Variants in SSH1 observed in about 807,000 individuals in gnomAD.
SSH1 encodes protein phosphatase Slingshot homolog 1.
In SSH1, 43 loss-of-function variants were observed where a neutral mutation model predicts 79.7. That is an observed-to-expected ratio of 0.54 (90% CI 0.42 to 0.70). The LOEUF (loss-of-function observed/expected upper bound fraction) is 0.70, where lower values mean the gene tolerates loss of function less well. Ranked by LOEUF, SSH1 falls within the 30% of genes least tolerant of loss-of-function variation. SSH1 has a pLI of 0.00. For synonymous variants in SSH1, 599 were observed against 538.3 expected, an observed-to-expected ratio of 1.11 and a Z score of -1.56; for missense variants, 1,206 against 1,358.8, an observed-to-expected ratio of 0.89 and a Z score of 1.77.
At chr12:108,846,625 A>G (rs961654146) in intron 2 of SSH1, among the ~76,000 whole-genome samples, 1 of 152,222 alleles carries the variant, frequency 6.6e-6, no homozygotes, top group Non-Finnish European at 1.5e-5. Context: ...GACACTTCCC[A>G]GAAGGCCTTC....
chr12:108,789,705 T>C (rs1422424734), intron 14 of SSH1, among the ~76,000 whole-genome samples: 1 of 152,080 alleles, frequency 6.6e-6, no homozygotes, highest in East Asian at 1.9e-4. Context: ...CTGAGGCTTC[T>C]GGGACAAGCA....
chr12:108,828,342 T>G (rs2038382722), intron 2 of SSH1, among the ~76,000 whole-genome samples: 1 of 152,156 alleles, frequency 6.6e-6, no homozygotes, highest in African/African-American at 2.4e-5. Flanking sequence ...TAGGAGCACA[T>G]ATCTCTACAA....
At chr12:108,838,671 G>C (rs535350808) in intron 2 of SSH1, among the ~76,000 whole-genome samples, 14 of 152,328 alleles carry the variant, frequency 9.2e-5, no homozygotes, top group Middle Eastern at 3.4e-3. Context: ...TGGTGGGATA[G>C]GCATGCAGCA....
chr12:108,801,165 T>C (rs1230393358), intron 11 of SSH1, among the ~76,000 whole-genome samples: 2 of 152,184 alleles, frequency 1.3e-5, no homozygotes, highest in African/African-American at 4.8e-5. Context: ...AAAGACCTTA[T>C]AAAAAGAAAG....
intron 14 of SSH1, among the ~76,000 whole-genome samples, chr12:108,789,983 T>C (rs1483706575): frequency 6.6e-6 from 1 of 151,578 alleles, no homozygotes; most frequent in African/African-American, 2.4e-5. Flanking sequence ...TGTGAGCGAC[T>C]ACACCCCGCC....
rs751118045 is a variant in SSH1, at chr12:108,811,333, G to A, written c.402-5C>T. 1.5e-5 allele frequency: 24 copies of A among 1,614,024 alleles called. No individual in the cohort carries two copies. Among genetic ancestry groups the A allele is most frequent in the East Asian group, 8.9e-5 (4 of 44,894 alleles). On this transcript the variant is annotated splice_polypyrimidine_tract_variant and splice_region_variant and intron_variant, in intron 5 of 14. Transcript: ENST00000326495. ...ATCCCAATGGTGCAGCTTTTACTGC[G>A]ATGGGGGAGAGAAGACATGTGGAGT...
At chr12:108,844,478 T>C (rs1336810724) in intron 2 of SSH1, among the ~76,000 whole-genome samples, 1 of 152,098 alleles carries the variant, frequency 6.6e-6, no homozygotes, top group African/African-American at 2.4e-5. Context: ...CAGGCACCCC[T>C]TACCATCCCC....
chr12:108,837,704 T>C (rs994742418), intron 2 of SSH1, among the ~76,000 whole-genome samples: 1 of 152,146 alleles, frequency 6.6e-6, no homozygotes, highest in African/African-American at 2.4e-5. Flanking sequence ...CAAGTCAGAG[T>C]ATCTGGGGTA....
At chr12:108,831,774 T>C (rs2038480166) in intron 2 of SSH1, among the ~76,000 whole-genome samples, 1 of 152,188 alleles carries the variant, frequency 6.6e-6, no homozygotes, top group South Asian at 2.1e-4. Context: ...CCCCTGTGGG[T>C]TCATAAACCT....
chr12:108,780,154 T>C lies in SSH1; in HGVS notation c.*7834A>G, dbSNP rs1275554421. ...AGCTCTCCTTTAGAAAGGGCTTCTT[T>C]ACCATAAAGTGAATCCCCCTAAGTT... On this transcript the variant is annotated 3_prime_UTR_variant, in exon 15 of 15. Coordinates refer to ENST00000326495, the MANE Select transcript of SSH1 (RefSeq NM_018984.4). 5 of 152,332 alleles carry C rather than the reference T, an allele frequency of 3.3e-5. No homozygotes were observed. The East Asian group carries it at 9.6e-4, about 29-fold the overall frequency. 9.4% of individuals were successfully genotyped at this position (152,332 alleles called of 1,614,324 possible). A position where few individuals can be genotyped will look rare whatever the true frequency, so the allele number is the denominator to read the frequency against.
Position 108,802,327 on chromosome 12 carries a change from G to A in SSH1, c.996C>T (p.Gly332=). ...WNASNLEELQ[G]SGVDYILNVT... Reference sequence around the variant, plus strand: ...GACAAGGGGAGGAGACTCACCCTGAGCCCTGCAGTTCCTCCAGATTGGATG... The same window carrying A: ...GACAAGGGGAGGAGACTCACCCTGAACCCTGCAGTTCCTCCAGATTGGATG... The change falls in exon 11 of 15, where the codon GGC becomes GGT. Residue 332 remains glycine, a synonymous_variant. Transcript: ENST00000326495. 1 of 1,613,990 alleles carries A rather than the reference G, an allele frequency of 6.2e-7. No individual in the cohort carries two copies. The highest frequency in any genetic ancestry group is 8.5e-7 in the Non-Finnish European group (1 of 1,179,910).
intron 2 of SSH1, among the ~76,000 whole-genome samples, chr12:108,852,310 A>G (rs978426747): frequency 6.8e-6 from 1 of 147,962 alleles, no homozygotes; most frequent in Non-Finnish European, 1.5e-5. Flanking sequence ...ATCTTGGCTC[A>G]CTCTGCCTCC....
At position 108,799,027 on chromosome 12, in the gene SSH1, G is replaced by C; in HGVS notation, c.1322C>G (p.Ser441Cys). The C allele has an allele frequency of 6.2e-7, 1 of 1,613,784 alleles. No individual in the cohort carries two copies. The change falls in exon 13 of 15, where the codon TCT becomes TGT. Residue 441 changes from serine (S) to cysteine (C), a missense_variant. This residue lies in a region of SSH1 where 166 missense variants were observed against 262.9 expected (regional missense o/e 0.63). Transcript: ENST00000326495. ...RPNAGFMRQL[S>C]EYEGILDASK... ...TGCATCCAAGATGCCTTCATACTCA[G>C]ACAGCTGCCTCATAAAGCCCGCGTT...
intron 1 of SSH1, among the ~76,000 whole-genome samples, chr12:108,855,535 A>G (rs1264006781): frequency 1.3e-5 from 2 of 152,256 alleles, no homozygotes; most frequent in Non-Finnish European, 2.9e-5. Flanking sequence ...TGCGTAAGAC[A>G]AGAACAGATT....
intron 13 of SSH1, among the ~76,000 whole-genome samples, chr12:108,797,990 A>G (rs1342815067): frequency 6.6e-6 from 1 of 152,224 alleles, no homozygotes; most frequent in Non-Finnish European, 1.5e-5. Flanking sequence ...GAGCTAAAGG[A>G]GTATTATAAC....
rs1224229280 is a variant in SSH1 at position 108,817,109 on chromosome 12, C to T, written c.330G>A (p.Val110=). 1 of 1,614,118 alleles carries T rather than the reference C, an allele frequency of 6.2e-7. No homozygotes were observed. The highest frequency in any genetic ancestry group is 8.5e-7 in the Non-Finnish European group (1 of 1,180,052). ...TGTCCTGGCGCCCGCTGCTGTACAC[C>T]ACCACCATGTACCGGACCCGGTCCG... ...AWADRVRYMV[V]VYSSGRQDTE... is the part of the protein sequence containing the mutation. Residue 110 remains valine, a synonymous_variant, in exon 5 of 15, where the codon GTG becomes GTA. Coordinates refer to ENST00000326495, the MANE Select transcript of SSH1 (RefSeq NM_018984.4).
At chr12:108,848,223 G>A (rs1452389214) in intron 2 of SSH1, among the ~76,000 whole-genome samples, 1 of 152,186 alleles carries the variant, frequency 6.6e-6, no homozygotes, top group Non-Finnish European at 1.5e-5. Flanking sequence ...AGAGATGTGA[G>A]GACCTGAAGA....
In SSH1 at chr12:108,789,005, A is replaced by T. The variant is rs2036387873; in HGVS notation, c.2133T>A (p.Pro711=). 1 of 1,608,046 alleles carries T rather than the reference A, an allele frequency of 6.2e-7. No individual in the cohort carries two copies. The highest frequency in any genetic ancestry group is 1.3e-5 in the African/African-American group (1 of 74,266). ...PEKPASGPTE[P]PPFLPPAGSR... is the part of the protein sequence containing the mutation. ...AGCCTGCTGGTGGTAGGAACGGGGG[A>T]GGTTCGGTTGGGCCAGAGGCTGGCT... Residue 711 remains proline (P), a synonymous_variant, in exon 15 of 15, where the codon CCT becomes CCA. Transcript: ENST00000326495.
intron 2 of SSH1, among the ~76,000 whole-genome samples, chr12:108,829,936 T>C (rs765609734): frequency 6.6e-6 from 1 of 152,060 alleles, no homozygotes; most frequent in Non-Finnish European, 1.5e-5. Flanking sequence ...ATCCCATCTC[T>C]ACAAAAAAAT....
Sources: gnomAD v4.1 joint callset for allele counts (sites outside exome capture counted in the v4.1 genomes callset) on GRCh38, gnomAD v4.1.1 for gene constraint, gnomAD v4.1.1 regional missense constraint, MANE v1.5 for transcripts, NCBI Gene and HGNC (gene_info 2026-07-23, HGNC 2026-07-21) for gene names.